CDK5RAP2: variants seen among roughly 807,000 people sequenced by gnomAD.
CDK5RAP2 encodes the protein CDK5 regulatory subunit-associated protein 2.
CDK5RAP2 carries 147 observed loss-of-function variants against 232.9 expected under a neutral mutation model. That is an observed-to-expected ratio of 0.63 (90% confidence interval 0.55 to 0.72). The LOEUF is 0.72. Among genes scored for constraint, CDK5RAP2 ranks in the 30% least tolerant of loss-of-function variants. The pLI is 0.00. For missense variants in CDK5RAP2, 2,195 were observed against 2,231.5 expected (o/e 0.98, Z 0.33); for synonymous variants, 833 against 833.7 (o/e 1.00, Z 0.01).
intron 5 of CDK5RAP2, among the ~76,000 whole-genome samples, chr9:120,542,546 C>A (rs923667954): frequency 6.6e-6 from 1 of 150,736 alleles, no homozygotes; most frequent in Admixed American, 6.6e-5. Flanking sequence ...ATGGTAGATA[C>A]TGTCATTGAA....
intron 3 of CDK5RAP2, among the ~76,000 whole-genome samples, chr9:120,554,781 G>GCC (rs2042165079): frequency 6.6e-6 from 1 of 152,014 alleles, no homozygotes; most frequent in South Asian, 2.1e-4. Context: ...CTACAGGCAT[G>GCC]TGCCACCATG....
intron 7 of CDK5RAP2, 109 bp from the exon 8 acceptor site, chr9:120,530,249 T>C (rs1160617963): frequency 5.4e-6 from 4 of 742,548 alleles, no homozygotes; most frequent in African/African-American, 1.8e-5. Context: ...ACATATACAA[T>C]GGCTGAACAC....
intron 22 of CDK5RAP2, among the ~76,000 whole-genome samples, chr9:120,444,160 T>A (rs1276745330): frequency 6.6e-6 from 1 of 152,182 alleles, no homozygotes; most frequent in African/African-American, 2.4e-5. Context: ...ATGCCTATAA[T>A]CCCAGCACTT....
chr9:120,458,340 A>G, intron 20 of CDK5RAP2, 110 bp downstream of exon 20: 1 of 1,022,844 alleles, frequency 9.8e-7, no homozygotes, highest in Non-Finnish European at 1.5e-6. Flanking sequence ...CCATTTCAGG[A>G]GCTCTCTCAG....
chr9:120,445,878 A>T (rs778404406), intron 22 of CDK5RAP2, among the ~76,000 whole-genome samples: 1 of 152,158 alleles, frequency 6.6e-6, no homozygotes, highest in Non-Finnish European at 1.5e-5. Context: ...TGCCTATCTA[A>T]TTATCTCCAC....
At chr9:120,397,931 G>A (rs879618282) in intron 35 of CDK5RAP2, among the ~76,000 whole-genome samples, 1 of 152,146 alleles carries the variant, frequency 6.6e-6, no homozygotes, top group Non-Finnish European at 1.5e-5. Flanking sequence ...CCACACTTAT[G>A]GGAACCACTG....
At chr9:120,565,008 G>A (rs2042598236) in intron 3 of CDK5RAP2, among the ~76,000 whole-genome samples, 2 of 152,134 alleles carry the variant, frequency 1.3e-5, no homozygotes, top group Admixed American at 1.3e-4. Context: ...CTGCCATACA[G>A]GTGATTATAC....
At chr9:120,521,748 C>A (rs1289944661) in intron 11 of CDK5RAP2, among the ~76,000 whole-genome samples, 1 of 151,182 alleles carries the variant, frequency 6.6e-6, no homozygotes. Context: ...CGGGTTCACA[C>A]CATTCTCCTG....
At chr9:120,413,507 T>C (rs2033981923) in intron 28 of CDK5RAP2, among the ~76,000 whole-genome samples, 1 of 152,238 alleles carries the variant, frequency 6.6e-6, no homozygotes, top group Non-Finnish European at 1.5e-5. Flanking sequence ...ACAGCACGTC[T>C]TTCCACCAGT....
chr9:120,515,976 G>C (rs918263349), intron 12 of CDK5RAP2, among the ~76,000 whole-genome samples: 1 of 152,142 alleles, frequency 6.6e-6, no homozygotes, highest in Non-Finnish European at 1.5e-5. Flanking sequence ...CAGGGATCTA[G>C]AACTAGAAAT....
chr9:120,414,935 A>G, intron 28 of CDK5RAP2, 105 bp downstream of exon 28: 1 of 1,355,046 alleles, frequency 7.4e-7, no homozygotes, highest in South Asian at 1.2e-5. Flanking sequence ...GGAAAAATGA[A>G]CATTTATCAA....
At chr9:120,435,630 G>A (rs2035538389) in intron 25 of CDK5RAP2, among the ~76,000 whole-genome samples, 1 of 151,842 alleles carries the variant, frequency 6.6e-6, no homozygotes. Context: ...GCTCATTCAG[G>A]GCAGAAGCAG....
intron 36 of CDK5RAP2, among the ~76,000 whole-genome samples, chr9:120,390,689 T>C (rs2031864490): frequency 6.6e-6 from 1 of 152,158 alleles, no homozygotes; most frequent in Non-Finnish European, 1.5e-5. Flanking sequence ...AAGATCAGCT[T>C]ACTCCCCACG....
intron 25 of CDK5RAP2, among the ~76,000 whole-genome samples, chr9:120,436,138 C>T (rs2035563511): frequency 1.3e-5 from 2 of 152,196 alleles, no homozygotes; most frequent in Admixed American, 6.5e-5. Flanking sequence ...TCACCAAAAA[C>T]GGGATTAATA....
chr9:120,427,091 CCCT>C (rs1460359713), intron 25 of CDK5RAP2, among the ~76,000 whole-genome samples: 1 of 152,116 alleles, frequency 6.6e-6, no homozygotes, highest in East Asian at 1.9e-4. Flanking sequence ...CCTGAGCTCC[CCCT>C]ATTTGTCAAG....
intron 1 of CDK5RAP2, among the ~76,000 whole-genome samples, chr9:120,574,795 C>A (rs571816947): frequency 6.8e-6 from 1 of 147,916 alleles, no homozygotes; most frequent in African/African-American, 2.5e-5. Flanking sequence ...AGTCTTTCTG[C>A]GGCTGGTGGT....
intron 12 of CDK5RAP2, among the ~76,000 whole-genome samples, chr9:120,514,563 T>C (rs1328190501): frequency 6.6e-6 from 1 of 152,158 alleles, no homozygotes; most frequent in African/African-American, 2.4e-5. Context: ...GTCCAGCCAC[T>C]TGGAACTGTA....
At chr9:120,447,573 C>G (rs547743717) in intron 22 of CDK5RAP2, among the ~76,000 whole-genome samples, 38 of 152,336 alleles carry the variant, frequency 2.5e-4, no homozygotes, top group African/African-American at 7.2e-4. Context: ...TGATGCCACA[C>G]GCCAGAGGCA....
At chr9:120,518,391 CT>C (rs1230614318) in intron 12 of CDK5RAP2, 35 bp downstream of exon 12, 1 of 1,564,508 alleles carries the variant, frequency 6.4e-7, no homozygotes, top group Non-Finnish European at 8.8e-7. Context: ...CCCAAAAGCA[CT>C]GTCCACTGTG....
Sources: allele counts gnomAD v4.1 joint callset (sites outside exome capture counted in the v4.1 genomes callset), GRCh38; gene constraint gnomAD v4.1.1; transcripts MANE v1.5; gene names NCBI Gene and HGNC (gene_info 2026-07-23, HGNC 2026-07-21).